The following MCF2L2 variants were observed in gnomAD, a reference collection of about 807,000 sequenced individuals.
MCF2L2 encodes probable guanine nucleotide exchange factor MCF2L2.
MCF2L2 carries 102 observed loss-of-function variants against 150.2 expected under a neutral mutation model. The ratio of observed to expected loss-of-function variants is 0.68; its 90% confidence interval spans 0.58 to 0.80. MCF2L2 has a LOEUF of 0.80. Among genes scored for constraint, MCF2L2 ranks in the 30% least tolerant of loss-of-function variants. The probability of loss-of-function intolerance (pLI) is 0.00; values close to 1 mark genes in which losing one functional copy is unlikely to be tolerated. For synonymous variants in MCF2L2, 465 were observed against 491.3 expected (o/e 0.95, Z 0.71); for missense variants, 1,256 against 1,372.8 (o/e 0.91, Z 1.34).
intron 21 of MCF2L2, 76 bp downstream of exon 21, chr3:183,219,780 G>C: frequency 1.1e-6 from 1 of 947,022 alleles, no homozygotes; most frequent in Non-Finnish European, 1.7e-6. Context: ...AAGTAAAATT[G>C]CTATAAATCC....
chr3:183,272,030 A>G (rs1726823661), intron 15 of MCF2L2: 4 of 510,674 alleles, frequency 7.8e-6, no homozygotes, highest in Non-Finnish European at 5.2e-6. Flanking sequence ...AATATCTAAA[A>G]CAATTTATTT....
At chr3:183,415,678 T>G (rs1028984450) in intron 1 of MCF2L2, among the ~76,000 whole-genome samples, 1 of 152,220 alleles carries the variant, frequency 6.6e-6, no homozygotes, top group Non-Finnish European at 1.5e-5. Context: ...ATTAGTATCA[T>G]CACCCCAGTG....
chr3:183,299,892 C>T, intron 11 of MCF2L2, 113 bp downstream of exon 11: 2 of 1,164,948 alleles, frequency 1.7e-6, no homozygotes, highest in South Asian at 1.4e-5. Context: ...CATCTTTTCA[C>T]ATAAAGCACT....
rs1271477235 is a variant in MCF2L2, at chr3:183,305,517, G to T, written c.1113+4199C>A. Among the ~76,000 whole-genome samples, 2 of 152,166 alleles carry T rather than the reference G, an allele frequency of 1.3e-5. No homozygotes were observed. Among genetic ancestry groups the T allele is most frequent in the Non-Finnish European group, 2.9e-5 (2 of 68,036 alleles). ...TTGAGATGTTAGAGGGAAGATGTGT[G>T]TAACAGGTCCAAATGGGTCTAGGGA... On this transcript the variant is annotated intron_variant, in intron 10 of 29. Coordinates refer to ENST00000328913, the MANE Select transcript of MCF2L2 (RefSeq NM_015078.4). This position sits in a 1 kb window ranked among gnomAD's most constrained non-coding sequence, Gnocchi z 4.1.
intron 1 of MCF2L2, among the ~76,000 whole-genome samples, chr3:183,413,507 C>A (rs1006665332): frequency 6.6e-6 from 1 of 152,198 alleles, no homozygotes; most frequent in African/African-American, 2.4e-5. Flanking sequence ...ACTTCACTGA[C>A]CCCTCCAGTA....
chr3:183,200,028 A>C, intron 25 of MCF2L2, among the ~76,000 whole-genome samples: 1 of 152,148 alleles, frequency 6.6e-6, no homozygotes, highest in East Asian at 1.9e-4. Context: ...TCTATCATTG[A>C]TGGACATTTG....
chr3:183,289,008 A>C (rs1216245434), intron 14 of MCF2L2, 112 bp downstream of exon 14: 2 of 719,782 alleles, frequency 2.8e-6, no homozygotes, highest in African/African-American at 3.5e-5. Context: ...AGTCTGTGCT[A>C]TGTGCCTTAG....
At chr3:183,191,593 C>T (rs1293112331) in intron 27 of MCF2L2, among the ~76,000 whole-genome samples, 1 of 152,210 alleles carries the variant, frequency 6.6e-6, no homozygotes, top group African/African-American at 2.4e-5. Context: ...GCTGCCGTAA[C>T]TTTGGCAGTT....
intron 1 of MCF2L2, among the ~76,000 whole-genome samples, chr3:183,403,009 A>G (rs1714853408): frequency 6.6e-6 from 1 of 152,090 alleles, no homozygotes; most frequent in Non-Finnish European, 1.5e-5. Context: ...GGCCAGGTGC[A>G]GTGGCTCATC....
At chr3:183,309,856 G>A in intron 9 of MCF2L2, 21 bp from the exon 10 acceptor site, 1 of 1,612,464 alleles carries the variant, frequency 6.2e-7, no homozygotes, top group Non-Finnish European at 8.5e-7. Flanking sequence ...CATTAGAACA[G>A]TCCAGAAGTA....
intron 10 of MCF2L2, among the ~76,000 whole-genome samples, chr3:183,304,849 G>A (rs1729026318): frequency 6.6e-6 from 1 of 152,088 alleles, no homozygotes; most frequent in South Asian, 2.1e-4. Flanking sequence ...GGTAGGAGAT[G>A]AATAAATATT....
At chr3:183,187,790 A>G (rs1424583392) in intron 27 of MCF2L2, among the ~76,000 whole-genome samples, 3 of 152,180 alleles carry the variant, frequency 2.0e-5, no homozygotes, top group African/African-American at 7.2e-5. Context: ...GTAAGCTGCC[A>G]GTAAACAGCA....
chr3:183,372,742 T>C (rs989535456), intron 3 of MCF2L2: 3 of 152,142 alleles, frequency 2.0e-5, no homozygotes, highest in Admixed American at 6.6e-5. Context: ...AAATTAACCA[T>C]TGATATGAAA....
intron 27 of MCF2L2, among the ~76,000 whole-genome samples, chr3:183,191,046 C>T (rs1259863850): frequency 6.6e-6 from 1 of 151,992 alleles, no homozygotes; most frequent in Non-Finnish European, 1.5e-5. Flanking sequence ...CCACCATGCC[C>T]GGCTAATTTT....
chr3:183,196,036 C>G (rs1003882101), intron 25 of MCF2L2, among the ~76,000 whole-genome samples: 24 of 152,294 alleles, frequency 1.6e-4, no homozygotes, highest in African/African-American at 5.8e-4. Context: ...GATCTTTCCC[C>G]GCAGTCTCCC....
intron 1 of MCF2L2, among the ~76,000 whole-genome samples, chr3:183,398,910 GA>G (rs1249939840): frequency 6.6e-6 from 1 of 152,088 alleles, no homozygotes; most frequent in Non-Finnish European, 1.5e-5. Flanking sequence ...CTTTAGTAGG[GA>G]AAAAAAGAAG....
chr3:183,385,527 T>C (rs1263002742), intron 2 of MCF2L2, among the ~76,000 whole-genome samples: 1 of 152,148 alleles, frequency 6.6e-6, no homozygotes, highest in Non-Finnish European at 1.5e-5. Flanking sequence ...TCTTCATCAA[T>C]TATTTTCAAA....
In MCF2L2 at chr3:183,215,952, A is replaced by G. The variant is rs779748948; in HGVS notation, c.2496+17T>C. On this transcript the variant is annotated intron_variant, in intron 22 of 29. Coordinates refer to ENST00000328913, the MANE Select transcript of MCF2L2 (RefSeq NM_015078.4). ...TGCCTTTTGTGTGAGATGCTCTAAC[A>G]CTACTATGGAACATACCGGACATTC... 5 of 1,610,412 alleles carry G rather than the reference A, an allele frequency of 3.1e-6. No homozygotes were observed. The Admixed American group carries it at 8.4e-5, about 27-fold the overall frequency.
At chr3:183,245,483 T>C (rs1724209663) in intron 15 of MCF2L2, among the ~76,000 whole-genome samples, 2 of 152,072 alleles carry the variant, frequency 1.3e-5, no homozygotes, top group Non-Finnish European at 2.9e-5. Context: ...ATGGTTGTCA[T>C]GCCAGGCCAC....
Sources: gnomAD v4.1 joint callset for allele counts (sites outside exome capture counted in the v4.1 genomes callset) on GRCh38, gnomAD v4.1.1 for gene constraint, Gnocchi (gnomAD v3.1) non-coding constraint, MANE v1.5 for transcripts, NCBI Gene and HGNC (gene_info 2026-07-23, HGNC 2026-07-21) for gene names.